FAM168B: variants seen among roughly 807,000 people sequenced by gnomAD.
The protein encoded by FAM168B is family with sequence similarity 168 member B, also known as myelin-associated neurite-outgrowth inhibitor.
A neutral mutation model predicts 21.8 loss-of-function variants in FAM168B; 19 were observed. The ratio of observed to expected loss-of-function variants is 0.87; its 90% confidence interval spans 0.61 to 1.28. The LOEUF is 1.28. Ranked by LOEUF, FAM168B falls within the 50% of genes most tolerant of loss-of-function variation. The pLI is 0.00. For missense variants in FAM168B, 233 were observed against 263.1 expected (o/e 0.89, Z 0.79); for synonymous variants, 126 against 104.8 (o/e 1.20, Z -1.24).
chr2:131,073,715 C>T (rs138295028), intron 2 of FAM168B, among the ~76,000 whole-genome samples: 1 of 152,244 alleles, frequency 6.6e-6, no homozygotes. Flanking sequence ...GTTCATTATC[C>T]AGCTTGATAT....
rs2105442338 is a variant in FAM168B, at chr2:131,049,842, T to C, written c.*2623A>G. ...AATTATGAAGCTTTGTAACAGAATT[T>C]TGACCCAAGTTCTATTTCTTAATTG... On this transcript the variant is annotated 3_prime_UTR_variant, in exon 7 of 7. Transcript: ENST00000389915. 2.0e-6 allele frequency: 2 copies of C among 985,864 alleles called. No homozygotes were observed. The highest frequency in any genetic ancestry group is 2.4e-6 in the Non-Finnish European group (2 of 829,944). The allele number at this position is 985,864 out of a possible 1,614,324, so 61.1% of individuals were successfully genotyped here.
chr2:131,081,593 G>A (rs893216447), intron 2 of FAM168B, among the ~76,000 whole-genome samples: 1 of 152,160 alleles, frequency 6.6e-6, no homozygotes, highest in Non-Finnish European at 1.5e-5. Context: ...GCCACTGGAC[G>A]ACTAGACTGT....
intron 3 of FAM168B, among the ~76,000 whole-genome samples, chr2:131,061,224 G>T (rs1418988612): frequency 1.4e-5 from 2 of 147,398 alleles, no homozygotes; most frequent in East Asian, 4.1e-4. Flanking sequence ...GGAGGCCAAG[G>T]TGGGCAGATC....
rs758181712 is a variant in FAM168B at position 131,082,653 on chromosome 2, A to G, written c.-7T>C. The G allele has an allele frequency of 1.3e-6, 2 of 1,592,700 alleles. No homozygotes were observed. The highest frequency in any genetic ancestry group is 1.4e-5 in the African/African-American group (1 of 73,764). On this transcript the variant is annotated 5_prime_UTR_variant, in exon 2 of 7. Coordinates refer to ENST00000389915, the MANE Select transcript of FAM168B (RefSeq NM_001009993.4). ...GACTATAAACAGGATTCATGATTTC[A>G]AAAACTAAAAGAAAAAAAAGGGAAT...
chr2:131,057,989 T>C (rs1485167673), intron 3 of FAM168B, among the ~76,000 whole-genome samples: 1 of 152,002 alleles, frequency 6.6e-6, no homozygotes, highest in East Asian at 1.9e-4. Context: ...TGCCACCACA[T>C]CCAGCTAATT....
chr2:131,072,993 A>C (rs1558974676), intron 2 of FAM168B, among the ~76,000 whole-genome samples: 1 of 152,184 alleles, frequency 6.6e-6, no homozygotes, highest in East Asian at 1.9e-4. Context: ...CTGAATTCCG[A>C]CATTTCCTAC....
At chr2:131,062,568 C>T (rs1425690671) in intron 3 of FAM168B, among the ~76,000 whole-genome samples, 1 of 152,222 alleles carries the variant, frequency 6.6e-6, no homozygotes, top group Admixed American at 6.5e-5. Context: ...CTACCTCAGC[C>T]TCCCGAGTAG....
intron 3 of FAM168B, among the ~76,000 whole-genome samples, chr2:131,061,142 C>T (rs751073067): frequency 1.4e-5 from 2 of 145,660 alleles, no homozygotes; most frequent in Admixed American, 6.7e-5. Context: ...TGAGCCACCG[C>T]GCCTGGCCCA....
chr2:131,072,406 G>A (rs977981703), intron 2 of FAM168B, among the ~76,000 whole-genome samples: 3 of 151,748 alleles, frequency 2.0e-5, no homozygotes, highest in East Asian at 3.9e-4. Context: ...TTATAGGTGT[G>A]AGCCACCACG....
chr2:131,063,600 C>A (rs575313229), intron 3 of FAM168B, among the ~76,000 whole-genome samples: 1 of 152,046 alleles, frequency 6.6e-6, no homozygotes, highest in Non-Finnish European at 1.5e-5. Flanking sequence ...AGCAGCATAG[C>A]GAGACCTTGT....
At chr2:131,063,307 C>T (rs1692397167) in intron 3 of FAM168B, among the ~76,000 whole-genome samples, 1 of 152,138 alleles carries the variant, frequency 6.6e-6, no homozygotes, top group East Asian at 1.9e-4. Flanking sequence ...CTAATCACAA[C>T]AATGGTTTTT....
rs1052153805 is a variant in FAM168B at position 131,050,867 on chromosome 2, A to C, written c.*1598T>G. The C allele has an allele frequency of 8.7e-5, 86 of 985,428 alleles. No individual in the cohort carries two copies. The highest frequency in any genetic ancestry group is 3.4e-4 in the East Asian group (3 of 8,824). The allele number at this position is 985,428 out of a possible 1,614,324, so 61.0% of individuals were successfully genotyped here. A position where few individuals can be genotyped will look rare whatever the true frequency, so the allele number is the denominator to read the frequency against. Reference sequence around the variant, plus strand: ...TCAAACCACCACTGCACTGGGAAGAAGACGCACGCTCCTGCCCTAGAGGCC... The same window carrying C: ...TCAAACCACCACTGCACTGGGAAGACGACGCACGCTCCTGCCCTAGAGGCC... On this transcript the variant is annotated 3_prime_UTR_variant, in exon 7 of 7. Coordinates refer to ENST00000389915, the MANE Select transcript of FAM168B (RefSeq NM_001009993.4).
chr2:131,057,250 T>A (rs940438141), intron 3 of FAM168B, among the ~76,000 whole-genome samples: 1 of 152,178 alleles, frequency 6.6e-6, no homozygotes, highest in African/African-American at 2.4e-5. Flanking sequence ...TCAATCTTAT[T>A]CCTAGTAGCC....
chr2:131,078,726 G>A (rs1412782207), intron 2 of FAM168B, among the ~76,000 whole-genome samples: 1 of 152,114 alleles, frequency 6.6e-6, no homozygotes, highest in Non-Finnish European at 1.5e-5. Context: ...CAGTGGCTCA[G>A]GCCTGTACTC....
Position 131,050,806 on chromosome 2 carries a change from G to A in FAM168B, c.*1659C>T. On this transcript the variant is annotated 3_prime_UTR_variant, in exon 7 of 7. Transcript: ENST00000389915. ...TGACCCAGCTACCAGCAAATGAAGA[G>A]GAGCAGAGCCCCCTCCCCACCAGAG... 1.0e-6 allele frequency: 1 copy of A among 985,362 alleles called. No homozygotes were observed. The highest frequency in any genetic ancestry group is 1.2e-6 in the Non-Finnish European group (1 of 829,964). 61.0% of individuals were successfully genotyped at this position (985,362 alleles called of 1,614,324 possible). A position where few individuals can be genotyped will look rare whatever the true frequency, so the allele number is the denominator to read the frequency against.
intron 3 of FAM168B, among the ~76,000 whole-genome samples, chr2:131,059,797 A>T (rs7561363): frequency 0.29 from 44,398 of 151,978 alleles, 11,153 homozygotes; most frequent in African/African-American, 0.69. Context: ...GATAAAAAAA[A>T]TTTTTAGGTG....
Position 131,048,761 on chromosome 2 carries a change from C to A in FAM168B, c.*3704G>T. ...AATACGTGCTCTGCCTTCCCCCAGG[C>A]CAACCACACTCTGCTTTAGAGACCC... On this transcript the variant is annotated 3_prime_UTR_variant, in exon 7 of 7. Coordinates refer to ENST00000389915, the MANE Select transcript of FAM168B (RefSeq NM_001009993.4). 1.0e-6 allele frequency: 1 copy of A among 986,888 alleles called. No individual in the cohort carries two copies. 61.1% of individuals were successfully genotyped at this position (986,888 alleles called of 1,614,324 possible). A position where few individuals can be genotyped will look rare whatever the true frequency, so the allele number is the denominator to read the frequency against.
intron 1 of FAM168B, among the ~76,000 whole-genome samples, chr2:131,092,013 G>A (rs1048801675): frequency 1.3e-5 from 2 of 151,550 alleles, no homozygotes; most frequent in South Asian, 2.1e-4. Context: ...GCGTGGTGGC[G>A]GGCGCCTGCA....
chr2:131,085,277 C>T (rs1693631868), intron 1 of FAM168B, among the ~76,000 whole-genome samples: 1 of 152,100 alleles, frequency 6.6e-6, no homozygotes, highest in South Asian at 2.1e-4. Context: ...TAATAAGGTT[C>T]CATCTCTGAA....
Sources: allele counts gnomAD v4.1 joint callset (sites outside exome capture counted in the v4.1 genomes callset), GRCh38; gene constraint gnomAD v4.1.1; transcripts MANE v1.5; gene names NCBI Gene and HGNC (gene_info 2026-07-23, HGNC 2026-07-21).